Variants in GOLGA7 observed in about 807,000 individuals in gnomAD.
GOLGA7 encodes golgin subfamily A member 7.
Under a neutral mutation model 21.1 loss-of-function variants are expected in GOLGA7, and 10 were observed. That is an observed-to-expected ratio of 0.47 (90% CI 0.29 to 0.80). The LOEUF (loss-of-function observed/expected upper bound fraction) is 0.80. GOLGA7 is among the 30% of genes least tolerant of loss of function. The pLI is 0.08. For synonymous variants in GOLGA7, 64 were observed against 62.6 expected, an observed-to-expected ratio of 1.02 and a Z score of -0.10; for missense variants, 114 against 166.8, an observed-to-expected ratio of 0.68 and a Z score of 1.74.
chr8:41,492,012 T>C (rs1805895901), intron 1 of GOLGA7, among the ~76,000 whole-genome samples: 2 of 152,158 alleles, frequency 1.3e-5, no homozygotes, highest in Admixed American at 1.3e-4. Flanking sequence ...CAGTTTGCAG[T>C]GAGGTGGGTT....
At chr8:41,500,673 T>G (rs1212545137) in intron 2 of GOLGA7, among the ~76,000 whole-genome samples, 1 of 152,182 alleles carries the variant, frequency 6.6e-6, no homozygotes, top group African/African-American at 2.4e-5. Context: ...CAAGCGATCC[T>G]CTCACCTCAG....
intron 2 of GOLGA7, among the ~76,000 whole-genome samples, chr8:41,504,514 G>A (rs956371075): frequency 4.6e-5 from 7 of 152,230 alleles, no homozygotes; most frequent in African/African-American, 1.7e-4. Context: ...TAAAGACCAA[G>A]CACAGCTAAA....
rs1806280460 is a variant in GOLGA7, at chr8:41,506,071, T to G, written c.366+59T>G. The G allele has an allele frequency of 6.9e-6, 6 of 867,454 alleles. No homozygotes were observed. In the South Asian group the frequency reaches 9.2e-5, roughly 13 times the overall value. The allele number at this position is 867,454 out of a possible 1,614,324, so 53.7% of individuals were successfully genotyped here. ...ATTTATAACAAGAAAATGTTGATAT[T>G]GTTTGGCATTGGCTAGAGAGAATTT... On this transcript the variant is annotated intron_variant, in intron 3 of 4. Transcript: ENST00000357743.
At chr8:41,502,945 C>G (rs1806184063) in intron 2 of GOLGA7, among the ~76,000 whole-genome samples, 1 of 151,954 alleles carries the variant, frequency 6.6e-6, no homozygotes, top group South Asian at 2.1e-4. Flanking sequence ...GTGAGAATGG[C>G]GCTTTGTCCT....
intron 2 of GOLGA7, among the ~76,000 whole-genome samples, chr8:41,499,388 C>G (rs1431549313): frequency 6.6e-6 from 1 of 152,204 alleles, no homozygotes; most frequent in Non-Finnish European, 1.5e-5. Context: ...CTTTCTGTAT[C>G]CCAGAGTTCT....
chr8:41,506,129 C>T, intron 3 of GOLGA7, 117 bp downstream of exon 3: 1 of 573,190 alleles, frequency 1.7e-6, no homozygotes, highest in Non-Finnish European at 3.1e-6. Context: ...TAGGTAGTTT[C>T]TGTGTGAATT....
intron 1 of GOLGA7, among the ~76,000 whole-genome samples, chr8:41,493,943 C>T (rs1434425315): frequency 6.6e-6 from 1 of 152,170 alleles, no homozygotes; most frequent in Non-Finnish European, 1.5e-5. Flanking sequence ...CATTTGTTCT[C>T]TTGAGCCCTT....
Position 41,509,598 on chromosome 8 carries a change from CG to C in GOLGA7, c.*33del, listed in dbSNP as rs1262974202. On this transcript the variant is annotated 3_prime_UTR_variant, in exon 5 of 5. Transcript: ENST00000357743. Reference sequence around the variant, plus strand: ...TCTAATTACAGATCCCACTTCCAGCCGGGCCCCTCATGTATCCACTGGCCGA... The same window carrying C: ...TCTAATTACAGATCCCACTTCCAGCCGGCCCCTCATGTATCCACTGGCCGA... The C allele has an allele frequency of 6.6e-6, 1 of 152,610 alleles. No homozygotes were observed. The highest frequency in any genetic ancestry group is 1.5e-5 in the Non-Finnish European group (1 of 68,048). 9.5% of individuals were successfully genotyped at this position (152,610 alleles called of 1,614,324 possible).
intron 2 of GOLGA7, among the ~76,000 whole-genome samples, chr8:41,504,598 T>C (rs1806237295): frequency 6.6e-6 from 1 of 152,228 alleles, no homozygotes; most frequent in African/African-American, 2.4e-5. Flanking sequence ...AACAAATCTT[T>C]TATTTAGAAA....
intron 2 of GOLGA7, among the ~76,000 whole-genome samples, chr8:41,497,954 T>C (rs1257851880): frequency 1.3e-5 from 2 of 152,212 alleles, no homozygotes; most frequent in Non-Finnish European, 2.9e-5. Flanking sequence ...ATGTTTTTAC[T>C]TTATTTCCCT....
intron 1 of GOLGA7, among the ~76,000 whole-genome samples, chr8:41,491,623 A>G (rs1256818546): frequency 6.6e-6 from 1 of 151,972 alleles, no homozygotes; most frequent in Non-Finnish European, 1.5e-5. Context: ...GCAACATTGC[A>G]GGCAAAAATG....
At chr8:41,504,050 G>A (rs547492970) in intron 2 of GOLGA7, among the ~76,000 whole-genome samples, 1 of 145,180 alleles carries the variant, frequency 6.9e-6, no homozygotes, top group Admixed American at 7.0e-5. Flanking sequence ...CAGCGCACCA[G>A]CATGGCACAT....
At chr8:41,493,713 A>G (rs1329477658) in intron 1 of GOLGA7, among the ~76,000 whole-genome samples, 1 of 152,184 alleles carries the variant, frequency 6.6e-6, no homozygotes, top group Non-Finnish European at 1.5e-5. Flanking sequence ...TGCATGCTTC[A>G]CCATGCTTTC....
chr8:41,497,359 T>A, intron 1 of GOLGA7, 150 bp from the exon 2 acceptor site: 1 of 528,506 alleles, frequency 1.9e-6, no homozygotes, highest in East Asian at 2.9e-5. Context: ...ATTAAACAAA[T>A]TAAGCAGTTT....
Position 41,510,720 on chromosome 8 carries a change from T to C in GOLGA7, c.*1152T>C, listed in dbSNP as rs1806403500. 6.5e-6 allele frequency: 1 copy of C among 152,750 alleles called. No homozygotes were observed. The highest frequency in any genetic ancestry group is 2.1e-4 in the South Asian group (1 of 4,830). 9.5% of individuals were successfully genotyped at this position (152,750 alleles called of 1,614,324 possible). ...AGAGCGCTGTATTTGGGAGAGAGTT[T>C]AAAAATACATTAGGAGAGAGAAACC... is the stretch of plus-strand genomic sequence containing the variant. On this transcript the variant is annotated 3_prime_UTR_variant, in exon 5 of 5. Coordinates refer to ENST00000357743, the MANE Select transcript of GOLGA7 (RefSeq NM_001002296.2).
chr8:41,501,285 TAAAC>T (rs1355108229), intron 2 of GOLGA7, among the ~76,000 whole-genome samples: 5 of 151,704 alleles, frequency 3.3e-5, no homozygotes, highest in Non-Finnish European at 7.4e-5. Context: ...TAGTGCTTAA[TAAAC>T]AGTGTTTTCT....
At chr8:41,506,988 C>A in intron 3 of GOLGA7, 71 bp from the exon 4 acceptor site, 1 of 794,832 alleles carries the variant, frequency 1.3e-6, no homozygotes, top group South Asian at 1.4e-5. Flanking sequence ...AGATCACACC[C>A]TCCACCTTGC....
At chr8:41,492,593 C>T (rs1336382783) in intron 1 of GOLGA7, among the ~76,000 whole-genome samples, 4 of 152,200 alleles carry the variant, frequency 2.6e-5, no homozygotes, top group East Asian at 3.9e-4. Flanking sequence ...ACCTGGGAGG[C>T]GGAGGTTGCA....
At position 41,503,206 on chromosome 8, in the gene GOLGA7, T is replaced by TA. The variant is rs35017365; in HGVS notation, c.265-2692dup. ...TGCATATCAATGTTACTAAAGTTTA[T>TA]AAAAAAAAAAAAAGTGTCTGTTCAT... is the stretch of plus-strand genomic sequence containing the variant. On this transcript the variant is annotated intron_variant, in intron 2 of 4. Coordinates refer to ENST00000357743, the MANE Select transcript of GOLGA7 (RefSeq NM_001002296.2). 4.4e-3 allele frequency among the ~76,000 whole-genome samples: 660 copies of TA among 148,542 alleles called. 3 individuals are homozygous for TA. Among genetic ancestry groups the TA allele is most frequent in the African/African-American group, 0.014 (585 of 40,440 alleles).
Sources: gnomAD v4.1 joint callset for allele counts (sites outside exome capture counted in the v4.1 genomes callset) on GRCh38, gnomAD v4.1.1 for gene constraint, MANE v1.5 for transcripts, NCBI Gene and HGNC (gene_info 2026-07-23, HGNC 2026-07-21) for gene names.